Variants in PARVA observed in about 807,000 individuals in gnomAD.
PARVA encodes the protein parvin alpha, also known as alpha-parvin.
Under a neutral mutation model 52.6 loss-of-function variants are expected in PARVA, and 25 were observed. The ratio of observed to expected loss-of-function variants is 0.48; its 90% CI spans 0.35 to 0.66. The LOEUF (loss-of-function observed/expected upper bound fraction) is 0.66. Among genes scored for constraint, PARVA ranks in the 30% least tolerant of loss-of-function variants. PARVA has a pLI of 0.01. For synonymous variants in PARVA, 185 were observed against 179.1 expected (o/e 1.03, Z -0.26); for missense variants, 373 against 450.9 (o/e 0.83, Z 1.56).
intron 1 of PARVA, among the ~76,000 whole-genome samples, chr11:12,395,466 G>C (rs1939728652): frequency 6.6e-6 from 1 of 152,166 alleles, no homozygotes; most frequent in African/African-American, 2.4e-5. Context: ...CTGAAGATGA[G>C]CGCCGGAGCC....
At chr11:12,474,622 C>T (rs1940982112) in intron 3 of PARVA, among the ~76,000 whole-genome samples, 1 of 152,128 alleles carries the variant, frequency 6.6e-6, no homozygotes, top group Non-Finnish European at 1.5e-5. Context: ...CACTTGAGCT[C>T]AGGAGTTCGA....
intron 10 of PARVA, among the ~76,000 whole-genome samples, chr11:12,515,496 G>A (rs917696308): frequency 6.6e-6 from 1 of 152,148 alleles, no homozygotes; most frequent in East Asian, 1.9e-4. Context: ...GCTATGACAG[G>A]GGTCACTGCC....
intron 9 of PARVA, 75 bp downstream of exon 9, chr11:12,513,435 C>T (rs1377719840): frequency 1.5e-6 from 2 of 1,333,290 alleles, no homozygotes; most frequent in Admixed American, 3.4e-5. Context: ...ATCCCTGCAG[C>T]TTGCGAGCTT....
intron 1 of PARVA, among the ~76,000 whole-genome samples, chr11:12,416,806 G>C (rs1940073321): frequency 6.6e-6 from 1 of 151,880 alleles, no homozygotes; most frequent in African/African-American, 2.4e-5. Flanking sequence ...GAGAAAGGAG[G>C]GGAGGGCACG....
intron 1 of PARVA, among the ~76,000 whole-genome samples, chr11:12,396,947 A>G (rs984269970): frequency 9.5e-6 from 1 of 105,664 alleles, no homozygotes; most frequent in Non-Finnish European, 1.9e-5. Flanking sequence ...CTTTCCTTTC[A>G]TGTACTTGTT....
intron 12 of PARVA, among the ~76,000 whole-genome samples, chr11:12,521,690 T>C (rs1941638615): frequency 6.6e-6 from 1 of 152,172 alleles, no homozygotes; most frequent in Non-Finnish European, 1.5e-5. Context: ...GTGGTCCCAA[T>C]GTCATCACAG....
chr11:12,533,441 CCCA>C lies in PARVA; in HGVS notation c.*5521_*5523del, dbSNP rs1243528606. ...AGCATGAACTATAACTGCTCCAATG[CCCA>C]CCACATTATATAAAATCTACCAAAA... On this transcript the variant is annotated 3_prime_UTR_variant, in exon 13 of 13. Coordinates refer to ENST00000334956, the MANE Select transcript of PARVA (RefSeq NM_018222.5). 1.3e-5 allele frequency among the ~76,000 whole-genome samples: 2 copies of C among 152,170 alleles called. No homozygotes were observed. The highest frequency in any genetic ancestry group is 2.1e-4 in the South Asian group (1 of 4,824).
intron 1 of PARVA, among the ~76,000 whole-genome samples, chr11:12,393,858 C>T (rs958923665): frequency 6.6e-5 from 10 of 152,150 alleles, no homozygotes; most frequent in East Asian, 3.9e-4. Flanking sequence ...TTGAGTGGCA[C>T]GCTCCTCTAC....
rs1291890564 is a variant in PARVA, at chr11:12,529,288, G to A, written c.*1363G>A. 6.6e-6 allele frequency: 1 copy of A among 152,178 alleles called. No homozygotes were observed. Among genetic ancestry groups the A allele is most frequent in the African/African-American group, 2.4e-5 (1 of 41,430 alleles). The allele number at this position is 152,178 out of a possible 1,614,324, so 9.4% of individuals were successfully genotyped here. ...TGACTTTGAAAGACAGAGCTCTAGT[G>A]TGCCAGCCTGCTAAGTCCTGTAAGA... is the stretch of plus-strand genomic sequence containing the variant. On this transcript the variant is annotated 3_prime_UTR_variant, in exon 13 of 13. Coordinates refer to ENST00000334956, the MANE Select transcript of PARVA (RefSeq NM_018222.5).
intron 1 of PARVA, among the ~76,000 whole-genome samples, chr11:12,430,626 A>G (rs895442306): frequency 6.6e-6 from 1 of 152,194 alleles, no homozygotes; most frequent in Non-Finnish European, 1.5e-5. Flanking sequence ...TATTACTCAC[A>G]TGAATCATGA....
At chr11:12,511,634 ATATAC>A in intron 8 of PARVA, 101 bp downstream of exon 8, 1 of 1,265,410 alleles carries the variant, frequency 7.9e-7, no homozygotes. Flanking sequence ...TGTCACCTGG[ATATAC>A]GTCTTCACCA....
At chr11:12,389,455 TCCCCA>T (rs1939626049) in intron 1 of PARVA, among the ~76,000 whole-genome samples, 2 of 152,132 alleles carry the variant, frequency 1.3e-5, no homozygotes, top group Admixed American at 1.3e-4. Context: ...CACACTTTTC[TCCCCA>T]CCTCCCAGCT....
At chr11:12,454,899 TTTGA>T (rs1462714037) in intron 1 of PARVA, among the ~76,000 whole-genome samples, 2 of 152,254 alleles carry the variant, frequency 1.3e-5, no homozygotes, top group Non-Finnish European at 2.9e-5. Flanking sequence ...GTCTCATAGT[TTTGA>T]TTGTTTCATC....
chr11:12,510,682 G>A (rs1156310936), intron 7 of PARVA, among the ~76,000 whole-genome samples: 1 of 152,200 alleles, frequency 6.6e-6, no homozygotes, highest in Non-Finnish European at 1.5e-5. Context: ...CAGAGAAAAT[G>A]AGGAAGAAGC....
intron 12 of PARVA, among the ~76,000 whole-genome samples, chr11:12,522,433 T>TTTA (rs2135088255): frequency 6.6e-6 from 1 of 150,640 alleles, no homozygotes; most frequent in East Asian, 2.0e-4. Context: ...TTTTTTTTTT[T>TTTA]TTTTTCTTGA....
chr11:12,521,536 C>G (rs1276142905), intron 12 of PARVA, among the ~76,000 whole-genome samples: 1 of 152,208 alleles, frequency 6.6e-6, no homozygotes, highest in East Asian at 1.9e-4. Flanking sequence ...TAGACACCCC[C>G]TGCCAAAATA....
chr11:12,507,226 G>A (rs1941441775), intron 6 of PARVA, among the ~76,000 whole-genome samples: 6 of 152,184 alleles, frequency 3.9e-5, no homozygotes, highest in Admixed American at 3.9e-4. Context: ...GCAGGGCTCA[G>A]ATGAGCCACC....
At chr11:12,450,801 C>T (rs549969342) in intron 1 of PARVA, among the ~76,000 whole-genome samples, 1 of 152,266 alleles carries the variant, frequency 6.6e-6, no homozygotes, top group South Asian at 2.1e-4. Context: ...CAGGAAGCAT[C>T]CAGCACAGGA....
chr11:12,479,793 A>G (rs894957677), intron 4 of PARVA: 1 of 152,220 alleles, frequency 6.6e-6, no homozygotes, highest in African/African-American at 2.4e-5. Context: ...GCCTTATTAT[A>G]AGACTTTCCA....
Sources: allele counts gnomAD v4.1 joint callset (sites outside exome capture counted in the v4.1 genomes callset), GRCh38; gene constraint gnomAD v4.1.1; transcripts MANE v1.5; gene names NCBI Gene and HGNC (gene_info 2026-07-23, HGNC 2026-07-21).